The following CP variants were observed in gnomAD, a reference collection of about 807,000 sequenced individuals.
CP encodes ceruloplasmin.
A neutral mutation model predicts 122.4 loss-of-function variants in CP; 64 were observed. The observed-to-expected ratio is 0.52, with a 90% CI of 0.43 to 0.64. The LOEUF is 0.64. Ranked by LOEUF, CP falls within the 30% of genes least tolerant of loss-of-function variation. The pLI, the probability that CP is intolerant of heterozygous loss-of-function variation, is 0.00. For synonymous variants in CP, 440 were observed against 436.4 expected, an observed-to-expected ratio of 1.01 and a Z score of -0.10; for missense variants, 1,167 against 1,284.4, an observed-to-expected ratio of 0.91 and a Z score of 1.40.
intron 9 of CP, among the ~76,000 whole-genome samples, chr3:149,190,385 C>T (rs1009665174): frequency 4.6e-5 from 7 of 151,982 alleles, no homozygotes; most frequent in African/African-American, 1.4e-4. Flanking sequence ...AGGCTGGGTG[C>T]GGTGGCTCAC....
intron 4 of CP, among the ~76,000 whole-genome samples, chr3:149,166,500 A>G (rs1724430131): frequency 6.6e-6 from 1 of 152,182 alleles, no homozygotes; most frequent in Admixed American, 6.5e-5. Flanking sequence ...TTCAGAATAT[A>G]ATTTTGTATT....
At chr3:149,218,579 C>T (rs1320819006) in intron 1 of CP, among the ~76,000 whole-genome samples, 1 of 152,114 alleles carries the variant, frequency 6.6e-6, no homozygotes, top group Non-Finnish European at 1.5e-5. Context: ...CATATAATCC[C>T]CTCAGGTGAC....
chr3:149,208,373 A>G (rs1270550999), intron 4 of CP, among the ~76,000 whole-genome samples: 3 of 152,210 alleles, frequency 2.0e-5, no homozygotes, highest in Non-Finnish European at 4.4e-5. Context: ...GTATCTTTTT[A>G]TAACAACTAT....
chr3:149,176,099 C>G lies in CP; in HGVS notation c.3181+151G>C, dbSNP rs1056625515. ...CTCACCATTTAGCAGGAAAAAAATC[C>G]TGTTTGGAGGTAGAGAAGGAAGAAA... On this transcript the variant is annotated intron_variant, in intron 18 of 18. Transcript: ENST00000264613. 9.6e-6 allele frequency: 7 copies of G among 728,744 alleles called. No homozygotes were observed. In the African/African-American group the frequency reaches 1.2e-4, roughly 13 times the overall value. The allele number at this position is 728,744 out of a possible 1,614,324, so 45.1% of individuals were successfully genotyped here. A position where few individuals can be genotyped will look rare whatever the true frequency, so the allele number is the denominator to read the frequency against.
At chr3:149,162,633 C>T (rs978896217) in exon 6 of CP, 16 of 1,548,510 alleles carry the variant, frequency 1.0e-5, no homozygotes, top group African/African-American at 1.4e-5. Context: ...GCCCAGCTGT[C>T]GCTTTATCAG....
chr3:149,167,995 T>TA, downstream of CP: 1 of 1,391,722 alleles, frequency 7.2e-7, no homozygotes, highest in Non-Finnish European at 1.0e-6. Context: ...TAAAATGATT[T>TA]TTTTTTTGCT....
chr3:149,183,424 C>T, intron 13 of CP, 42 bp downstream of exon 13: 1 of 1,601,274 alleles, frequency 6.2e-7, no homozygotes, highest in Non-Finnish European at 8.5e-7. Flanking sequence ...GGTAGCATCA[C>T]ATCATTAACC....
chr3:149,220,905 AAACTTCAAGGAG>A (rs1248273097), intron 1 of CP, among the ~76,000 whole-genome samples: 1 of 152,226 alleles, frequency 6.6e-6, no homozygotes, highest in African/African-American at 2.4e-5. Flanking sequence ...TCTGTACAAA[AAACTTCAAGGAG>A]AACTAAACTT....
At chr3:149,188,258 A>G in intron 9 of CP, 56 bp from the exon 10 acceptor site, 1 of 1,431,938 alleles carries the variant, frequency 7.0e-7, no homozygotes, top group African/African-American at 1.4e-5. Context: ...GAAGACTTCC[A>G]TGTGCACAAT....
At position 149,163,551 on chromosome 3, in the gene CP, A is replaced by G. The variant is rs191193374; in HGVS notation, c.*14-676T>C. 7.1e-4 allele frequency among the ~76,000 whole-genome samples: 108 copies of G among 152,354 alleles called. 1 individual carries two copies. The highest frequency in any genetic ancestry group is 2.6e-4 in the Admixed American group (4 of 15,300). ...AGTATTAATAAAAATTATTTCCAAT[A>G]TTCTTTTTAGGTATAATTGGCTTAA... is the stretch of plus-strand genomic sequence containing the variant. On this transcript the variant is annotated intron_variant, in intron 5 of 5. Coordinates refer to the CP transcript ENST00000479771.
At chr3:149,182,252 A>G (rs1725837290) in intron 13 of CP, 119 bp from the exon 14 acceptor site, 1 of 1,101,748 alleles carries the variant, frequency 9.1e-7, no homozygotes, top group African/African-American at 1.5e-5. Context: ...ATACTCTTGG[A>G]TTTATACTGC....
At chr3:149,189,261 A>G (rs1236873987) in intron 9 of CP, among the ~76,000 whole-genome samples, 1 of 152,218 alleles carries the variant, frequency 6.6e-6, no homozygotes, top group Non-Finnish European at 1.5e-5. Context: ...CCATTTAAAA[A>G]TGTTATGAAA....
At chr3:149,217,850 T>C (rs577669550) in intron 1 of CP, 10 of 437,472 alleles carry the variant, frequency 2.3e-5, no homozygotes, top group Admixed American at 2.0e-4. Context: ...ATCATAATTA[T>C]AGTAATTATG....
Position 149,162,866 on chromosome 3 carries a change from A to G in CP, c.*23T>C, listed in dbSNP as rs370137287. 1.4e-4 allele frequency: 226 copies of G among 1,613,416 alleles called. No homozygotes were observed. In the East Asian group the frequency reaches 3.7e-3, roughly 26 times the overall value. On this transcript the variant is annotated 3_prime_UTR_variant, in exon 6 of 6. Coordinates refer to the CP transcript ENST00000479771. ...CTCCTGACACCACACCATTGCGAAC[A>G]TCGGAGGATCTGGTAAGATAATGGA... is the stretch of plus-strand genomic sequence containing the variant.
intron 1 of CP, among the ~76,000 whole-genome samples, chr3:149,220,518 A>G (rs1479081616): frequency 6.6e-6 from 1 of 152,074 alleles, no homozygotes; most frequent in Non-Finnish European, 1.5e-5. Context: ...AAGATGTATT[A>G]GTTTTATTTA....
chr3:149,177,726 C>T, intron 17 of CP, 114 bp downstream of exon 17: 3 of 1,089,504 alleles, frequency 2.8e-6, no homozygotes, highest in Non-Finnish European at 4.2e-6. Context: ...ATATGAAGCA[C>T]CGGCTGTACT....
chr3:149,194,636 A>G (rs751949091), intron 9 of CP, among the ~76,000 whole-genome samples: 2 of 152,174 alleles, frequency 1.3e-5, no homozygotes, highest in African/African-American at 2.4e-5. Flanking sequence ...CAAGATCCAT[A>G]TAAGAGGAAC....
rs750217772 is a variant in CP, at chr3:149,221,647, G to T, written c.146C>A (p.Thr49Lys). Residue 49 changes from threonine (T) to lysine (K), a missense_variant and splice_region_variant, in exon 1 of 19, where the codon ACG becomes AAG. By Grantham distance (78) the Thr-to-Lys change is moderately conservative. This residue lies in a region of CP where 642 missense variants were observed against 627.3 expected (regional missense o/e 1.02). Transcript: ENST00000264613. ...ATAAACAATAAAAATAGTGACTTAC[G>T]TGTCAACAGAAATAAGTTTCTTTTC... ...HGEKKLISVD[T>K]EHSNIYLQNG... is the part of the protein sequence containing the mutation. 1.2e-6 allele frequency: 2 copies of T among 1,611,450 alleles called. No homozygotes were observed. Among genetic ancestry groups the T allele is most frequent in the South Asian group, 1.1e-5 (1 of 90,106 alleles).
Position 149,167,102 on chromosome 3 carries a change from C to T in CP, c.587-1052G>A, listed in dbSNP as rs141916243. 2 of 1,613,914 alleles carry T rather than the reference C, an allele frequency of 1.2e-6. No homozygotes were observed. The highest frequency in any genetic ancestry group is 1.7e-6 in the Non-Finnish European group (2 of 1,179,790). On this transcript the variant is annotated intron_variant, in intron 4 of 5. Coordinates refer to the CP transcript ENST00000479771. ...CGTTCTTGGAGCCACTTTCAGAAGA[C>T]ACTATTGCCGGCCTCAGTGTCCATG...
Sources: gnomAD v4.1 joint callset for allele counts (sites outside exome capture counted in the v4.1 genomes callset) on GRCh38, gnomAD v4.1.1 for gene constraint, gnomAD v4.1.1 regional missense constraint, MANE v1.5 for transcripts, NCBI Gene and HGNC (gene_info 2026-07-23, HGNC 2026-07-21) for gene names.